FAHD1: variants seen among roughly 807,000 people sequenced by gnomAD.
The protein encoded by FAHD1 is oxaloacetate tautomerase FAHD1, mitochondrial.
A neutral mutation model predicts 12.7 loss-of-function variants in FAHD1; 14 were observed. That is an observed-to-expected ratio of 1.10 (90% CI 0.73 to 1.72). The LOEUF is 1.72. Among genes scored for constraint, FAHD1 ranks in the 40% most tolerant of loss-of-function variants. The pLI, the probability that FAHD1 is intolerant of heterozygous loss-of-function variation, is 0.00. For synonymous variants in FAHD1, 153 were observed against 124.9 expected (o/e 1.22, Z -1.50); for missense variants, 351 against 298.9 (o/e 1.17, Z -1.29).
At chr16:1,830,915 T>TCTACACACACACACACAC (rs1326026830), downstream of FAHD1, among the ~76,000 whole-genome samples, 22 of 37,562 alleles carry the variant, frequency 5.9e-4, no homozygotes, top group African/African-American at 2.2e-3. Flanking sequence ...TCTCTCTCTC[T>TCTACACACACACACACAC]ATACACACAC....
chr16:1,827,893 C>G (rs780948061), exon 1 of FAHD1: 2 of 1,612,592 alleles, frequency 1.2e-6, no homozygotes, highest in African/African-American at 1.3e-5. Flanking sequence ...AGTGGAAAAG[C>G]CAGAATATTG....
chr16:1,827,272 G>A (rs754752783), exon 1 of FAHD1: 2 of 1,612,526 alleles, frequency 1.2e-6, no homozygotes, highest in African/African-American at 2.7e-5. Context: ...CCGCTTCTGG[G>A]AGTGGGGAAA....
intron 2 of FAHD1, among the ~76,000 whole-genome samples, chr16:1,838,696 T>G (rs1186560930): frequency 6.6e-6 from 1 of 152,190 alleles, no homozygotes; most frequent in Non-Finnish European, 1.5e-5. Context: ...GTTTTGTTTT[T>G]TTTTTAATTA....
chr16:1,838,525 G>C (rs762630114), intron 2 of FAHD1, among the ~76,000 whole-genome samples: 4 of 152,120 alleles, frequency 2.6e-5, no homozygotes, highest in Non-Finnish European at 5.9e-5. Flanking sequence ...CTGTTGTATA[G>C]CTGCAAATCA....
chr16:1,827,430 C>T (rs1898504504), exon 1 of FAHD1: 6 of 1,610,284 alleles, frequency 3.7e-6, no homozygotes, highest in Admixed American at 1.7e-5. Context: ...ACACTCGCAA[C>T]CTGCACCACG....
chr16:1,827,769 A>C, exon 1 of FAHD1: 1 of 1,614,142 alleles, frequency 6.2e-7, no homozygotes, highest in Admixed American at 1.7e-5. Flanking sequence ...CTAAGATCAT[A>C]ACCTTGGAAG....
intron 2 of FAHD1, chr16:1,838,160 T>TTGTTTTA (rs1227129690): frequency 1.6e-5 from 8 of 509,038 alleles, no homozygotes; most frequent in Middle Eastern, 2.8e-4. Flanking sequence ...CTCTGGCTAA[T>TTGTTTTA]TGTTTTATGT....
At chr16:1,830,608 A>G (rs193019650), downstream of FAHD1, among the ~76,000 whole-genome samples, 9 of 152,350 alleles carry the variant, frequency 5.9e-5, no homozygotes, top group East Asian at 9.6e-4. Flanking sequence ...AAACATTGAC[A>G]TCAGCATTGC....
exon 1 of FAHD1, chr16:1,827,251 A>T: frequency 6.2e-7 from 1 of 1,608,928 alleles, no homozygotes; most frequent in Non-Finnish European, 8.5e-7. Flanking sequence ...GGCAGCATCC[A>T]GGCCATTGTC....
chr16:1,837,389 A>G (rs1027563441), intron 1 of FAHD1, among the ~76,000 whole-genome samples: 2 of 152,116 alleles, frequency 1.3e-5, no homozygotes, highest in African/African-American at 4.8e-5. Context: ...TTCAGGGGCC[A>G]AGAGAGGGGT....
chr16:1,838,583 A>G (rs1898811320), intron 2 of FAHD1, among the ~76,000 whole-genome samples: 1 of 152,238 alleles, frequency 6.6e-6, no homozygotes, highest in South Asian at 2.1e-4. Context: ...GGTGAAACAC[A>G]GCCAAATCTT....
chr16:1,834,723 A>G (rs10468430), intron 1 of FAHD1, among the ~76,000 whole-genome samples: 27,036 of 146,922 alleles, frequency 0.18, 2,554 homozygotes, highest in South Asian at 0.28. Flanking sequence ...ACCTGAGGTC[A>G]GGAGTTCGAG....
At chr16:1,831,718 G>C (rs1420142829), downstream of FAHD1, among the ~76,000 whole-genome samples, 1 of 152,182 alleles carries the variant, frequency 6.6e-6, no homozygotes, top group Non-Finnish European at 1.5e-5. Flanking sequence ...CCACACAGTA[G>C]GAGGCAAGTG....
chr16:1,839,276 A>G, exon 3 of FAHD1: 1 of 1,612,010 alleles, frequency 6.2e-7, no homozygotes, highest in Non-Finnish European at 8.5e-7. Context: ...AAGTCTCCTC[A>G]GCAACACTTC....
chr16:1,834,465 G>C, intron 1 of FAHD1: 1 of 643,308 alleles, frequency 1.6e-6, no homozygotes. Context: ...GAACTGCAAT[G>C]AAAGTTTTGT....
exon 1 of FAHD1, chr16:1,827,352 G>T (rs747960009): frequency 6.2e-7 from 1 of 1,613,100 alleles, no homozygotes; most frequent in South Asian, 1.1e-5. Context: ...TGTTGAGCGA[G>T]CCCGTGCTGT....
chr16:1,834,220 C>T (rs776945963), intron 1 of FAHD1: 5 of 1,149,864 alleles, frequency 4.3e-6, no homozygotes, highest in Non-Finnish European at 6.5e-6. Context: ...AGTTAAAACT[C>T]TTATACTTTT....
exon 2 of FAHD1, chr16:1,838,104 C>G (rs1450746608): frequency 1.5e-6 from 1 of 660,118 alleles, no homozygotes; most frequent in Non-Finnish European, 2.6e-6. Context: ...TCAAGCAATC[C>G]TCCCTCAGCT....
At chr16:1,829,595 T>C (rs976360524), downstream of FAHD1, among the ~76,000 whole-genome samples, 1 of 152,184 alleles carries the variant, frequency 6.6e-6, no homozygotes, top group Non-Finnish European at 1.5e-5. Context: ...TATAATATAG[T>C]ATGAGGAAGT....
Sources: allele counts gnomAD v4.1 joint callset (sites outside exome capture counted in the v4.1 genomes callset), GRCh38; gene constraint gnomAD v4.1.1; transcripts MANE v1.5; gene names NCBI Gene and HGNC (gene_info 2026-07-23, HGNC 2026-07-21).